PLB1: variants seen among roughly 807,000 people sequenced by gnomAD.
The protein encoded by PLB1 is phospholipase B1, membrane-associated.
PLB1 carries 242 observed loss-of-function variants against 227.4 expected under a neutral mutation model. That is an observed-to-expected ratio of 1.06 (90% CI 0.96 to 1.18). The LOEUF (loss-of-function observed/expected upper bound fraction) is 1.18, where lower values mean the gene tolerates loss of function less well. Among genes scored for constraint, PLB1 ranks in the 50% most tolerant of loss-of-function variants. The pLI is 0.00. For synonymous variants in PLB1, 757 were observed against 682.2 expected, an observed-to-expected ratio of 1.11 and a Z score of -1.71; for missense variants, 1,858 against 1,816.3, an observed-to-expected ratio of 1.02 and a Z score of -0.42.
At chr2:28,628,464 CTCAG>C in intron 51 of PLB1, 95 bp from the exon 52 acceptor site, 1 of 1,054,614 alleles carries the variant, frequency 9.5e-7, no homozygotes, top group Non-Finnish European at 1.5e-6. Context: ...TCTGTACCCA[CTCAG>C]TCATTTAGCC....
chr2:28,507,546 C>A (rs1667769153), intron 1 of PLB1, among the ~76,000 whole-genome samples: 1 of 152,180 alleles, frequency 6.6e-6, no homozygotes, highest in East Asian at 1.9e-4. Flanking sequence ...CACCTCCTAC[C>A]ACTGCTACAT....
chr2:28,540,077 C>T (rs1270262488), intron 11 of PLB1, among the ~76,000 whole-genome samples: 3 of 143,124 alleles, frequency 2.1e-5, no homozygotes, highest in Non-Finnish European at 4.6e-5. Flanking sequence ...TACCCACCCC[C>T]TAGGGAGAGC....
In PLB1 at chr2:28,578,210, G is replaced by A. The variant is rs556914165; in HGVS notation, c.1485+52G>A. The A allele has an allele frequency of 7.6e-6, 12 of 1,574,088 alleles. No individual in the cohort carries two copies. In the East Asian group the frequency reaches 2.2e-4, roughly 29 times the overall value. On this transcript the variant is annotated intron_variant, in intron 22 of 57. Transcript: ENST00000327757. ...AGGAAAAATCCCTGGACACAGAGAA[G>A]ATCAGCTGTGGATTGAGGGATGGTT...
intron 2 of PLB1, among the ~76,000 whole-genome samples, chr2:28,517,089 C>T (rs967392336): frequency 1.3e-5 from 2 of 152,220 alleles, no homozygotes; most frequent in South Asian, 2.1e-4. Context: ...ACTGAATGGG[C>T]GGTTCCCAGA....
At chr2:28,604,309 C>G in intron 40 of PLB1, among the ~76,000 whole-genome samples, 1 of 152,330 alleles carries the variant, frequency 6.6e-6, no homozygotes, top group Non-Finnish European at 1.5e-5. Context: ...ACTCCTGGCC[C>G]GTAGCCCTGG....
chr2:28,636,044 T>TGA lies in PLB1; in HGVS notation c.4098+3006_4098+3007insAG, dbSNP rs1199867148. 2.0e-4 allele frequency among the ~76,000 whole-genome samples: 15 copies of TGA among 74,002 alleles called. No homozygotes were observed. The East Asian group carries it at 4.9e-3, about 24-fold the overall frequency. 48.5% of individuals were successfully genotyped at this position (74,002 alleles called of 152,430 possible). A position where few individuals can be genotyped will look rare whatever the true frequency, so the allele number is the denominator to read the frequency against. ...ATGTGTGTGTATGTGTGTGTGTGTA[T>TGA]GTATGTGTATGTGTGTATGTATGTA... is the stretch of plus-strand genomic sequence containing the variant. On this transcript the variant is annotated intron_variant, in intron 56 of 57. Transcript: ENST00000327757.
chr2:28,593,840 A>G, intron 33 of PLB1, 86 bp downstream of exon 33: 2 of 1,223,392 alleles, frequency 1.6e-6, no homozygotes, highest in Admixed American at 1.9e-5. Flanking sequence ...TGTAAATCCC[A>G]GAGGTCGAAG....
At chr2:28,592,537 C>A in intron 31 of PLB1, 124 bp from the exon 32 acceptor site, 2 of 951,104 alleles carry the variant, frequency 2.1e-6, no homozygotes, top group Non-Finnish European at 3.4e-6. Flanking sequence ...CTGTGCACAC[C>A]CAGCCCTGCA....
At chr2:28,591,344 C>A (rs1681894742) in intron 30 of PLB1, among the ~76,000 whole-genome samples, 173 bp downstream of exon 30, 1 of 152,220 alleles carries the variant, frequency 6.6e-6, no homozygotes, top group Non-Finnish European at 1.5e-5. Context: ...CCGTGGATAA[C>A]AGCTGGAAGG....
intron 17 of PLB1, among the ~76,000 whole-genome samples, chr2:28,560,690 A>G (rs1675922314): frequency 6.6e-6 from 1 of 152,210 alleles, no homozygotes; most frequent in Non-Finnish European, 1.5e-5. Context: ...ACATAATTGA[A>G]CCTTGAAAAC....
intron 9 of PLB1, among the ~76,000 whole-genome samples, chr2:28,537,996 C>T (rs986155924): frequency 3.9e-5 from 6 of 152,146 alleles, no homozygotes; most frequent in African/African-American, 1.4e-4. Flanking sequence ...GTCTCCTGTC[C>T]CTCAGTGTGA....
rs531346408 is a variant in PLB1 at position 28,547,202 on chromosome 2, C to CAAAA, written c.937-1647_937-1644dup. The stretch of plus-strand genomic sequence containing the variant: ...AGCAATGAGAATGAGACCCTGTCTC[C>CAAAA]AAAAAAAAAAAAAAGAAAAAAAAAA... On this transcript the variant is annotated intron_variant, in intron 14 of 57. Transcript: ENST00000327757. 6.6e-3 allele frequency among the ~76,000 whole-genome samples: 661 copies of CAAAA among 99,854 alleles called. 11 individuals are homozygous for CAAAA. Among genetic ancestry groups the CAAAA allele is most frequent in the African/African-American group, 0.022 (602 of 27,138 alleles). The allele number at this position is 99,854 out of a possible 152,430, so 65.5% of individuals were successfully genotyped here. A position where few individuals can be genotyped will look rare whatever the true frequency, so the allele number is the denominator to read the frequency against.
Position 28,516,456 on chromosome 2 carries a change from A to AC in PLB1, c.56-351dup, listed in dbSNP as rs200617684. On this transcript the variant is annotated intron_variant, in intron 1 of 57. Coordinates refer to ENST00000327757, the MANE Select transcript of PLB1 (RefSeq NM_153021.5). The stretch of plus-strand genomic sequence containing the variant: ...TTGTCTTGGATCTGCAACAACAGTA[A>AC]CTGTTTGTCTGACATTACCTTCTTT... Among the ~76,000 whole-genome samples, 1,463 of 152,304 alleles carry AC rather than the reference A, an allele frequency of 9.6e-3. 32 individuals carry two copies. Among genetic ancestry groups the AC allele is most frequent in the African/African-American group, 0.034 (1,401 of 41,546 alleles).
At chr2:28,598,565 T>G in intron 34 of PLB1, 87 bp from the exon 35 acceptor site, 1 of 1,039,736 alleles carries the variant, frequency 9.6e-7, no homozygotes. Context: ...CACAGCCCAC[T>G]TTGGGGACCT....
chr2:28,630,330 A>C (rs1211000913), intron 53 of PLB1, among the ~76,000 whole-genome samples: 2 of 152,202 alleles, frequency 1.3e-5, no homozygotes, highest in Admixed American at 1.3e-4. Flanking sequence ...TCCAGGCAAC[A>C]GCTTTCCCTC....
At chr2:28,553,041 C>A in intron 17 of PLB1, 50 bp downstream of exon 17, 1 of 1,521,922 alleles carries the variant, frequency 6.6e-7, no homozygotes, top group Non-Finnish European at 9.1e-7. Context: ...GGCCTGAAAT[C>A]ATCCAAGTAA....
intron 8 of PLB1, among the ~76,000 whole-genome samples, chr2:28,531,680 G>C (rs938599980): frequency 1.3e-5 from 2 of 152,142 alleles, no homozygotes; most frequent in African/African-American, 4.8e-5. Flanking sequence ...ACATTTTTCA[G>C]CATCATTTTA....
intron 30 of PLB1, 150 bp downstream of exon 30, chr2:28,591,321 G>A (rs1260454451): frequency 1.1e-6 from 1 of 926,316 alleles, no homozygotes; most frequent in Non-Finnish European, 1.7e-6. Context: ...TGGGGTAGTG[G>A]GCAGAGTAAA....
intron 1 of PLB1, 53 bp from the exon 2 acceptor site, chr2:28,516,755 G>T: frequency 6.6e-7 from 1 of 1,516,058 alleles, no homozygotes; most frequent in Non-Finnish European, 9.2e-7. Flanking sequence ...CTACAAATTT[G>T]GGTGGGAGTT....
Sources: allele counts gnomAD v4.1 joint callset (sites outside exome capture counted in the v4.1 genomes callset), GRCh38; gene constraint gnomAD v4.1.1; transcripts MANE v1.5; gene names NCBI Gene and HGNC (gene_info 2026-07-23, HGNC 2026-07-21).